EPX: variants seen among roughly 807,000 people sequenced by gnomAD.
EPX encodes eosinophil peroxidase.
A neutral mutation model predicts 73.0 loss-of-function variants in EPX; 60 were observed. That is an observed-to-expected ratio of 0.82 (90% CI 0.67 to 1.02). The LOEUF is 1.02. EPX is among the 50% of genes least tolerant of loss of function. The pLI is 0.00. For synonymous variants in EPX, 347 were observed against 389.2 expected (o/e 0.89, Z 1.28); for missense variants, 950 against 973.9 (o/e 0.98, Z 0.33).
At chr17:58,201,776 G>A (rs1300975227) in intron 10 of EPX, among the ~76,000 whole-genome samples, 1 of 152,284 alleles carries the variant, frequency 6.6e-6, no homozygotes, top group African/African-American at 2.4e-5. Flanking sequence ...TTTGACCAAG[G>A]TCTGGGAAAT....
chr17:58,193,899 T>C, intron 4 of EPX, 64 bp from the exon 5 acceptor site: 2 of 1,608,786 alleles, frequency 1.2e-6, no homozygotes, highest in Non-Finnish European at 8.5e-7. Flanking sequence ...ACCCACCCTC[T>C]CCCTCCATGC....
rs376994490 is a variant in EPX at position 58,199,727 on chromosome 17, C to T, written c.1470C>T (p.Ala490=). 1.1e-5 allele frequency: 17 copies of T among 1,614,124 alleles called. No homozygotes were observed. The highest frequency in any genetic ancestry group is 1.4e-5 in the Non-Finnish European group (17 of 1,180,056). ...TCCGCTTGGACAGTCAGTACCGGGC[C>T]TCCGCACCCAACTCGCATGTCCCAC... ...FMFRLDSQYR[A]SAPNSHVPLS... Residue 490 remains alanine (A), a synonymous_variant, in exon 9 of 13, where the codon GCC becomes GCT. Coordinates refer to ENST00000225371, the MANE Select transcript of EPX (RefSeq NM_000502.6).
chr17:58,204,198 C>T (rs987194367), intron 11 of EPX, 24 bp from the exon 12 acceptor site: 2 of 1,583,320 alleles, frequency 1.3e-6, no homozygotes, highest in Admixed American at 1.7e-5. Context: ...CAGCCTTCAC[C>T]CACATCTCTC....
rs762760181 is a variant in EPX at position 58,200,276 on chromosome 17, AC to A, written c.1591del (p.Arg531ValfsTer6). Reference protein sequence around the residue: ...RGLMATPAKLNRQDAMLVDEL... With the variant: ...RGLMATPAKLXRQDAMLVDEL... ...CTCATGGCCACCCCTGCCAAGCTGAACCGTCAGGATGCCATGTTAGTGGATG... is the reference window on the plus strand; with the variant it reads ...CTCATGGCCACCCCTGCCAAGCTGAACGTCAGGATGCCATGTTAGTGGATG... On this transcript the variant is annotated frameshift_variant, in exon 10 of 13. Transcript: ENST00000225371. LOFTEE classifies it high-confidence loss of function. 8.1e-6 allele frequency: 13 copies of A among 1,614,004 alleles called. No homozygotes were observed. The highest frequency in any genetic ancestry group is 1.0e-5 in the Non-Finnish European group (12 of 1,180,016).
rs761853468 is a variant in EPX, at chr17:58,197,177, C to A, written c.1040C>A (p.Ala347Asp). 1.2e-6 allele frequency: 2 copies of A among 1,613,994 alleles called. No individual in the cohort carries two copies. The highest frequency in any genetic ancestry group is 3.3e-5 in the Admixed American group (2 of 60,036). The change falls in exon 7 of 13, where the codon GCC becomes GAC. Residue 347 changes from alanine to aspartate, a missense_variant. Physicochemically the swap from Ala to Asp is moderately radical, Grantham distance 126. Coordinates refer to ENST00000225371, the MANE Select transcript of EPX (RefSeq NM_000502.6). The part of the protein sequence containing the change: ...INQRFQDNGR[A>D]LLPFDNLHDD... The stretch of plus-strand genomic sequence containing the variant: ...CAGCGCTTTCAAGACAACGGCCGGG[C>A]CCTGCTGCCCTTCGACAACCTGCAC...
At chr17:58,201,914 C>T (rs913344811) in intron 10 of EPX, among the ~76,000 whole-genome samples, 2 of 152,160 alleles carry the variant, frequency 1.3e-5, no homozygotes, top group Non-Finnish European at 2.9e-5. Flanking sequence ...TTCTGCTCCC[C>T]GCAATACCTG....
At chr17:58,202,954 C>A in intron 10 of EPX, 127 bp from the exon 11 acceptor site, 1 of 741,836 alleles carries the variant, frequency 1.3e-6, no homozygotes, top group Non-Finnish European at 2.4e-6. Flanking sequence ...ACTCTTCTGC[C>A]AGCAGGATCT....
Position 58,199,799 on chromosome 17 carries a change from C to T in EPX, c.1537+5C>T, listed in dbSNP as rs1214223277. The stretch of plus-strand genomic sequence containing the variant: ...GCTGGCGGATCGTGTATGAAGGTGA[C>T]CAGGTTTTCCAGGGGGCAAATGGGG... On this transcript the variant is annotated splice_donor_5th_base_variant and intron_variant, in intron 9 of 12. Coordinates refer to ENST00000225371, the MANE Select transcript of EPX (RefSeq NM_000502.6). The T allele has an allele frequency of 2.6e-5, 42 of 1,609,784 alleles. No individual in the cohort carries two copies. Among genetic ancestry groups the T allele is most frequent in the Non-Finnish European group, 3.5e-5 (41 of 1,176,944 alleles).
intron 6 of EPX, among the ~76,000 whole-genome samples, chr17:58,196,394 C>T (rs572214130): frequency 6.6e-6 from 1 of 152,334 alleles, no homozygotes; most frequent in African/African-American, 2.4e-5. Flanking sequence ...AGGCGTGAGC[C>T]ACCACACCTG....
chr17:58,200,246 G>T lies in EPX; in HGVS notation c.1559G>T (p.Arg520Leu). 6.2e-7 allele frequency: 1 copy of T among 1,614,138 alleles called. No individual in the cohort carries two copies. ...VYEGGIDPIL[R>L]GLMATPAKLN... ...CCAGGGGGCATCGACCCCATCCTCC[G>T]GGGCCTCATGGCCACCCCTGCCAAG... The change falls in exon 10 of 13, where the codon CGG becomes CTG. Residue 520 changes from arginine (R) to leucine (L), a missense_variant. Physicochemically the swap from Arg to Leu is moderately radical, Grantham distance 102. Transcript: ENST00000225371.
In EPX at chr17:58,194,189, C is replaced by T. The variant is rs796821161; in HGVS notation, c.594+97C>T. The T allele has an allele frequency of 1.1e-5, 14 of 1,238,904 alleles. No homozygotes were observed. The African/African-American group carries it at 1.6e-4, about 14-fold the overall frequency. 76.7% of individuals were successfully genotyped at this position (1,238,904 alleles called of 1,614,324 possible). A position where few individuals can be genotyped will look rare whatever the true frequency, so the allele number is the denominator to read the frequency against. The stretch of plus-strand genomic sequence containing the variant: ...CACGCAGGCAGGGCTTGAACCCAGG[C>T]CCTTCCACTGACCAGTGCAGTGACT... On this transcript the variant is annotated intron_variant, in intron 5 of 12. Coordinates refer to ENST00000225371, the MANE Select transcript of EPX (RefSeq NM_000502.6).
intron 10 of EPX, among the ~76,000 whole-genome samples, chr17:58,200,651 GA>G (rs1304812987): frequency 1.3e-5 from 2 of 152,152 alleles, no homozygotes; most frequent in East Asian, 3.9e-4. Flanking sequence ...CTCAGGAGCT[GA>G]AAAAGGGAGG....
intron 10 of EPX, chr17:58,202,551 C>A: frequency 5.9e-6 from 1 of 170,364 alleles, no homozygotes; most frequent in Non-Finnish European, 1.3e-5. Context: ...CACCCCAGCC[C>A]CAATCACCTC....
rs150985019 is a variant in EPX, at chr17:58,193,110, C to G, written c.149C>G (p.Ala50Gly). ...GAGGCCAAGTTGCTGGTGGATGCTGCCTACAATTGGACCCAGAAGAGGTGG... is the reference window on the plus strand; with the variant it reads ...GAGGCCAAGTTGCTGGTGGATGCTGGCTACAATTGGACCCAGAAGAGGTGG... ...IAEAKLLVDA[A>G]YNWTQKSIKQ... is the part of the protein sequence containing the mutation. Residue 50 changes from alanine (A) to glycine (G), a missense_variant, in exon 2 of 13, where the codon GCC becomes GGC. Ala to Gly is a moderately conservative substitution (Grantham distance 60). Transcript: ENST00000225371. 7 of 1,611,582 alleles carry G rather than the reference C, an allele frequency of 4.3e-6. No homozygotes were observed. The African/African-American group carries it at 9.3e-5, about 22-fold the overall frequency.
At chr17:58,198,904 C>CT (rs1968298793) in intron 7 of EPX, 136 bp from the exon 8 acceptor site, 15 of 890,622 alleles carry the variant, frequency 1.7e-5, no homozygotes, top group Admixed American at 9.0e-5. Context: ...CTCAGCACAG[C>CT]TGAAGAGATG....
At chr17:58,202,776 C>T (rs1417030847) in intron 10 of EPX, 2 of 409,560 alleles carry the variant, frequency 4.9e-6, no homozygotes, top group African/African-American at 2.0e-5. Context: ...CTAATGAATG[C>T]AGTCGAGCCC....
rs1008822061 is a variant in EPX, at chr17:58,204,796, C to T, written c.*72C>T. The T allele has an allele frequency of 1.1e-5, 3 of 274,316 alleles. No homozygotes were observed. The highest frequency in any genetic ancestry group is 9.7e-5 in the Admixed American group (2 of 20,552). 17.0% of individuals were successfully genotyped at this position (274,316 alleles called of 1,614,324 possible). A position where few individuals can be genotyped will look rare whatever the true frequency, so the allele number is the denominator to read the frequency against. ...GGGAAGGGGAGGACCATGAGGCTGCCTTGTCTCCCTGGAGCAAGTGCAGGC... is the reference window on the plus strand; with the variant it reads ...GGGAAGGGGAGGACCATGAGGCTGCTTTGTCTCCCTGGAGCAAGTGCAGGC... On this transcript the variant is annotated 3_prime_UTR_variant, in exon 13 of 13. Coordinates refer to ENST00000225371, the MANE Select transcript of EPX (RefSeq NM_000502.6).
chr17:58,199,676 C>T lies in EPX; in HGVS notation c.1419C>T (p.Gly473=), dbSNP rs746626586. 4 of 1,614,248 alleles carry T rather than the reference C, an allele frequency of 2.5e-6. No homozygotes were observed. Among genetic ancestry groups the T allele is most frequent in the Non-Finnish European group, 3.4e-6 (4 of 1,180,040 alleles). Residue 473 remains glycine, a synonymous_variant, in exon 9 of 13, where the codon GGC becomes GGT. Transcript: ENST00000225371. Reference sequence around the variant, plus strand: ...TCTTCACCCTGGCCTTCCGCTTTGGCCACACAATGCTCCAGCCCTTCATGT... The same window carrying T: ...TCTTCACCCTGGCCTTCCGCTTTGGTCACACAATGCTCCAGCCCTTCATGT... ...ANVFTLAFRF[G]HTMLQPFMFR...
chr17:58,204,145 T>C, intron 11 of EPX, 77 bp from the exon 12 acceptor site: 1 of 967,182 alleles, frequency 1.0e-6, no homozygotes, highest in South Asian at 1.3e-5. Context: ...ATATGTAAAG[T>C]ACCTGGCACA....
Sources: gnomAD v4.1 joint callset for allele counts (sites outside exome capture counted in the v4.1 genomes callset) on GRCh38, gnomAD v4.1.1 for gene constraint, MANE v1.5 for transcripts, NCBI Gene and HGNC (gene_info 2026-07-23, HGNC 2026-07-21) for gene names.